The following ATP2C2 variants were observed in gnomAD, a reference collection of about 807,000 sequenced individuals.
The protein encoded by ATP2C2 is ATPase secretory pathway Ca2+ transporting 2.
ATP2C2 carries 171 observed loss-of-function variants against 110.8 expected under a neutral mutation model. That is an observed-to-expected ratio of 1.54 (90% CI 1.36 to 1.75). ATP2C2 has a LOEUF of 1.75. ATP2C2 is among the 40% of genes most tolerant of loss of function. The probability of loss-of-function intolerance (pLI) is 0.00; values close to 1 mark genes in which losing one functional copy is unlikely to be tolerated. For missense variants in ATP2C2, 1,963 were observed against 1,235.0 expected (o/e 1.59, Z -8.84); for synonymous variants, 804 against 508.4 (o/e 1.58, Z -7.82).
intron 1 of ATP2C2, among the ~76,000 whole-genome samples, chr16:84,373,274 C>CGG (rs1415734182): frequency 1.3e-5 from 2 of 152,270 alleles, no homozygotes; most frequent in East Asian, 3.9e-4. Flanking sequence ...CCGAGGCAGG[C>CGG]GGATCACCTG....
chr16:84,463,871 C>G lies in ATP2C2; in HGVS notation c.*139C>G. ...GGATCAGTTTTTCCTCTTAGGAAAG[C>G]TGCAGGAACCTCGTGGGCTCCAGGG... On this transcript the variant is annotated 3_prime_UTR_variant, in exon 27 of 27. Coordinates refer to ENST00000262429, the MANE Select transcript of ATP2C2 (RefSeq NM_014861.4). 1.3e-6 allele frequency: 1 copy of G among 763,104 alleles called. No individual in the cohort carries two copies. Among genetic ancestry groups the G allele is most frequent in the Non-Finnish European group, 2.2e-6 (1 of 461,906 alleles). 47.3% of individuals were successfully genotyped at this position (763,104 alleles called of 1,614,324 possible).
intron 15 of ATP2C2, among the ~76,000 whole-genome samples, chr16:84,445,171 C>T (rs1016837039): frequency 1.3e-5 from 2 of 151,930 alleles, no homozygotes; most frequent in Admixed American, 1.3e-4. Context: ...GTCTCTGTCA[C>T]GAGGTGCTCC....
intron 1 of ATP2C2, among the ~76,000 whole-genome samples, chr16:84,389,720 CT>C (rs3085090): frequency 0.012 from 1,436 of 120,140 alleles, 22 homozygotes; most frequent in African/African-American, 0.041. Flanking sequence ...TCACTGTTTC[CT>C]TTTTTTTTTT....
At chr16:84,392,418 C>T (rs561474797) in intron 1 of ATP2C2, among the ~76,000 whole-genome samples, 1 of 152,250 alleles carries the variant, frequency 6.6e-6, no homozygotes, top group African/African-American at 2.4e-5. Flanking sequence ...CCAGCCTGCA[C>T]TTGGCTGGGG....
chr16:84,418,111 C>T (rs1327449448), intron 7 of ATP2C2, among the ~76,000 whole-genome samples: 1 of 152,188 alleles, frequency 6.6e-6, no homozygotes, highest in Non-Finnish European at 1.5e-5. Context: ...TTCTCCCCTA[C>T]CATGTCTAAA....
Position 84,464,034 on chromosome 16 carries a change from T to G in ATP2C2, c.*302T>G, listed in dbSNP as rs1045862465. On this transcript the variant is annotated 3_prime_UTR_variant, in exon 27 of 27. Coordinates refer to ENST00000262429, the MANE Select transcript of ATP2C2 (RefSeq NM_014861.4). ...CTAACTACGTATCTGTGCCACAGCT[T>G]GCAGTGAGGCAGGCCACTCGTGGCA... 8.1e-6 allele frequency: 2 copies of G among 245,814 alleles called. No homozygotes were observed. The highest frequency in any genetic ancestry group is 1.6e-5 in the Non-Finnish European group (2 of 127,306). 15.2% of individuals were successfully genotyped at this position (245,814 alleles called of 1,614,324 possible). A position where few individuals can be genotyped will look rare whatever the true frequency, so the allele number is the denominator to read the frequency against.
chr16:84,425,406 C>G (rs892216480), intron 10 of ATP2C2, among the ~76,000 whole-genome samples: 1 of 152,200 alleles, frequency 6.6e-6, no homozygotes, highest in African/African-American at 2.4e-5. Flanking sequence ...ACAACAAACA[C>G]CACATGGGGG....
chr16:84,451,804 C>A, intron 17 of ATP2C2, 117 bp from the exon 18 acceptor site: 1 of 1,099,468 alleles, frequency 9.1e-7, no homozygotes, highest in Non-Finnish European at 1.3e-6. Flanking sequence ...CACCACTGCA[C>A]TCCAACCTGG....
rs369907779 is a variant in ATP2C2, at chr16:84,452,527, C to T, written c.1831+436C>T. On this transcript the variant is annotated intron_variant, in intron 18 of 26. Coordinates refer to ENST00000262429, the MANE Select transcript of ATP2C2 (RefSeq NM_014861.4). ...TTTTTTTTTTTTTTTGAGATGGAGT[C>T]TTGTTCTGTTGCCTGGGCTGGAGTG... 3.4e-4 allele frequency among the ~76,000 whole-genome samples: 40 copies of T among 116,514 alleles called. 1 individual carries two copies. In the East Asian group the frequency reaches 4.7e-3, roughly 14 times the overall value. 76.4% of individuals were successfully genotyped at this position (116,514 alleles called of 152,430 possible). A position where few individuals can be genotyped will look rare whatever the true frequency, so the allele number is the denominator to read the frequency against.
intron 7 of ATP2C2, among the ~76,000 whole-genome samples, chr16:84,417,764 GTTAT>G (rs1906968790): frequency 6.6e-6 from 1 of 152,154 alleles, no homozygotes; most frequent in African/African-American, 2.4e-5. Flanking sequence ...TACCACGAAG[GTTAT>G]TTTAAGGCTA....
intron 11 of ATP2C2, among the ~76,000 whole-genome samples, chr16:84,435,090 G>A (rs1031656153): frequency 6.6e-6 from 1 of 152,184 alleles, no homozygotes; most frequent in Non-Finnish European, 1.5e-5. Context: ...TGGGTGAAAG[G>A]TCACCATTCA....
intron 6 of ATP2C2, among the ~76,000 whole-genome samples, chr16:84,414,785 C>G (rs1171906279): frequency 6.6e-6 from 1 of 152,144 alleles, no homozygotes; most frequent in Non-Finnish European, 1.5e-5. Context: ...ATGGGAGCTG[C>G]AGGAGGCTGG....
chr16:84,463,587 A>T (rs1359819053), intron 26 of ATP2C2, 27 bp from the exon 27 acceptor site: 3 of 1,590,496 alleles, frequency 1.9e-6, no homozygotes, highest in Non-Finnish European at 2.6e-6. Context: ...GCCCGTCCTG[A>T]ATCTTTTCTG....
At chr16:84,424,943 A>G (rs1291791816) in intron 10 of ATP2C2, among the ~76,000 whole-genome samples, 3 of 152,110 alleles carry the variant, frequency 2.0e-5, no homozygotes, top group Non-Finnish European at 4.4e-5. Flanking sequence ...CCTATTTCCA[A>G]TAGAGCTCCC....
chr16:84,437,005 A>C (rs1908804755), intron 11 of ATP2C2, among the ~76,000 whole-genome samples: 1 of 151,618 alleles, frequency 6.6e-6, no homozygotes, highest in South Asian at 2.1e-4. Flanking sequence ...CAGGTGATCG[A>C]GGCGCCTCAG....
At chr16:84,421,603 G>C (rs548385186) in intron 7 of ATP2C2, among the ~76,000 whole-genome samples, 1 of 152,086 alleles carries the variant, frequency 6.6e-6, no homozygotes. Context: ...GCACGGTTCT[G>C]GCCCTGGGAG....
intron 3 of ATP2C2, among the ~76,000 whole-genome samples, chr16:84,407,791 C>T (rs1905908700): frequency 6.6e-6 from 1 of 152,198 alleles, no homozygotes; most frequent in Non-Finnish European, 1.5e-5. Context: ...TTGTAACTCT[C>T]TTCCTTATCC....
chr16:84,438,566 A>G (rs2150565271), intron 11 of ATP2C2, among the ~76,000 whole-genome samples: 1 of 152,324 alleles, frequency 6.6e-6, no homozygotes. Context: ...AACCCTGGTT[A>G]TGAGAGAGTG....
At chr16:84,414,540 GTC>G (rs796909477) in intron 6 of ATP2C2, among the ~76,000 whole-genome samples, 156 of 152,308 alleles carry the variant, frequency 1.0e-3, no homozygotes, top group African/African-American at 3.6e-3. Flanking sequence ...ATCCACTCAT[GTC>G]TCTCGGGCCA....
Sources: allele counts gnomAD v4.1 joint callset (sites outside exome capture counted in the v4.1 genomes callset), GRCh38; gene constraint gnomAD v4.1.1; transcripts MANE v1.5; gene names NCBI Gene and HGNC (gene_info 2026-07-23, HGNC 2026-07-21).